Variants in NPAS4 observed in about 807,000 individuals in gnomAD.
NPAS4 encodes the protein neuronal PAS domain-containing protein 4.
In NPAS4, 10 loss-of-function variants were observed where a neutral mutation model predicts 64.0. The observed-to-expected ratio is 0.16, with a 90% CI of 0.10 to 0.26. NPAS4 has a LOEUF of 0.26. Among genes scored for constraint, NPAS4 ranks in the 10% least tolerant of loss-of-function variants. The probability of loss-of-function intolerance (pLI) is 1.00; values close to 1 mark genes in which losing one functional copy is unlikely to be tolerated. For synonymous variants in NPAS4, 441 were observed against 411.7 expected, an observed-to-expected ratio of 1.07 and a Z score of -0.86; for missense variants, 886 against 992.6, an observed-to-expected ratio of 0.89 and a Z score of 1.44.
chr11:66,423,728 AG>A lies in NPAS4; in HGVS notation c.944+19del. On this transcript the variant is annotated intron_variant, in intron 6 of 7. Transcript: ENST00000311034. ...TACCCAATCAGGTAAGCCACAAGCC[AG>A]GGGACTAGGGGGCAGCTGAGGTCGT... is the stretch of plus-strand genomic sequence containing the variant. 1.2e-6 allele frequency: 2 copies of A among 1,613,986 alleles called. No homozygotes were observed. The highest frequency in any genetic ancestry group is 1.7e-6 in the Non-Finnish European group (2 of 1,179,898).
rs753870076 is a variant in NPAS4 at position 66,425,175 on chromosome 11, C to T, written c.2285C>T (p.Thr762Ile). The change falls in exon 7 of 8, where the codon ACC (threonine) becomes ATC (isoleucine). Residue 762 changes from threonine (T) to isoleucine (I), a missense_variant. Around this residue, in one of 3 missense-constraint regions of NPAS4, gnomAD observed 28 missense variants for 57.0 expected, o/e 0.49. Transcript: ENST00000311034. ...SFLEDLATYETAFETGVSAFP... is the reference protein window; with the variant it reads ...SFLEDLATYEIAFETGVSAFP... ...CTGGAGGACCTGGCCACATATGAAACCGCCTTTGAGACAGGTGTCTCAGCA... is the reference window on the plus strand; with the variant it reads ...CTGGAGGACCTGGCCACATATGAAATCGCCTTTGAGACAGGTGTCTCAGCA... The T allele has an allele frequency of 6.9e-6, 11 of 1,592,802 alleles. No homozygotes were observed. The highest frequency in any genetic ancestry group is 1.7e-6 in the Non-Finnish European group (2 of 1,172,984).
upstream of NPAS4, among the ~76,000 whole-genome samples, chr11:66,418,153 G>T (rs1182384480): frequency 3.9e-5 from 6 of 152,114 alleles, no homozygotes. Flanking sequence ...TCACCCCAAA[G>T]CCCCTCTCCC....
chr11:66,422,105 C>G lies in NPAS4; in HGVS notation c.176-15C>G. 1 of 1,612,464 alleles carries G rather than the reference C, an allele frequency of 6.2e-7. No homozygotes were observed. The highest frequency in any genetic ancestry group is 8.5e-7 in the Non-Finnish European group (1 of 1,179,364). On this transcript the variant is annotated splice_polypyrimidine_tract_variant and intron_variant, in intron 1 of 7. Coordinates refer to ENST00000311034, the MANE Select transcript of NPAS4 (RefSeq NM_178864.4). Reference sequence around the variant, plus strand: ...CAGTCTTACTCCTGACGCACTACGTCTTCTCGCCCTACAGGCACTCCTCTG... The same window carrying G: ...CAGTCTTACTCCTGACGCACTACGTGTTCTCGCCCTACAGGCACTCCTCTG...
chr11:66,425,821 T>C, intron 7 of NPAS4, 140 bp from the exon 8 acceptor site: 1 of 664,298 alleles, frequency 1.5e-6, no homozygotes, highest in South Asian at 1.8e-5. Context: ...TGCCCCCTAA[T>C]CTACTGAGCC....
At chr11:66,425,445 G>A (rs1856825485) in intron 7 of NPAS4, among the ~76,000 whole-genome samples, 175 bp downstream of exon 7, 1 of 152,072 alleles carries the variant, frequency 6.6e-6, no homozygotes, top group African/African-American at 2.4e-5. Flanking sequence ...TAATATGAAA[G>A]TTTGAACAAG....
rs1856817473 is a variant in NPAS4, at chr11:66,425,002, C to G, written c.2112C>G (p.Phe704Leu). 3.1e-6 allele frequency: 5 copies of G among 1,614,002 alleles called. No individual in the cohort carries two copies. The highest frequency in any genetic ancestry group is 2.7e-5 in the African/African-American group (2 of 74,932). The change falls in exon 7 of 8, where the codon TTC (phenylalanine) becomes TTG (leucine). Residue 704 changes from phenylalanine to leucine, a missense_variant. This residue lies in a region of NPAS4 where 820 missense variants were observed against 855.5 expected (regional missense o/e 0.96). Transcript: ENST00000311034. ...TCCTGGCTGACCCTGATAACATGTT[C>G]CTGGAAGAGACGCCCGTGGAAGACA... ...LDFLADPDNM[F>L]LEETPVEDIF...
upstream of NPAS4, among the ~76,000 whole-genome samples, chr11:66,418,275 T>C (rs1338743220): frequency 1.3e-5 from 2 of 151,824 alleles, no homozygotes; most frequent in African/African-American, 4.8e-5. Flanking sequence ...GGGGAGAGAG[T>C]GGGGTGACTC....
chr11:66,420,664 C>T (rs1229760945), upstream of NPAS4, among the ~76,000 whole-genome samples: 1 of 152,270 alleles, frequency 6.6e-6, no homozygotes, highest in African/African-American at 2.4e-5. Flanking sequence ...CCTCTGCGGA[C>T]TCCTGCCGCG....
chr11:66,421,972 G>A (rs58444565), intron 1 of NPAS4, 148 bp from the exon 2 acceptor site: 6 of 683,616 alleles, frequency 8.8e-6, no homozygotes, highest in Non-Finnish European at 1.5e-5. Flanking sequence ...CCCTGGCCAA[G>A]AGCTGCGGGC....
rs753289238 is a variant in NPAS4 at position 66,423,752 on chromosome 11, C to T, written c.944+39C>T. The T allele has an allele frequency of 3.1e-6, 5 of 1,612,496 alleles. No homozygotes were observed. The African/African-American group carries it at 6.7e-5, about 22-fold the overall frequency. ...CAGGGGACTAGGGGGCAGCTGAGGT[C>T]GTCATGGAGGAGACACAAATCAGGG... On this transcript the variant is annotated intron_variant, in intron 6 of 7. Coordinates refer to ENST00000311034, the MANE Select transcript of NPAS4 (RefSeq NM_178864.4).
chr11:66,424,170 C>T lies in NPAS4; in HGVS notation c.1280C>T (p.Thr427Met), dbSNP rs1168283983. Residue 427 changes from threonine to methionine, a missense_variant, in exon 7 of 8, where the codon ACG (threonine) becomes ATG (methionine). Around this residue, in one of 3 missense-constraint regions of NPAS4, gnomAD observed 820 missense variants for 855.5 expected, o/e 0.96. Transcript: ENST00000311034. ...GATCTTGTGTGCACTCCACCTTACA[C>T]GCCCCATCAGCCAGGAGGCTGTGCC... is the stretch of plus-strand genomic sequence containing the variant. ...SKDLVCTPPY[T>M]PHQPGGCAFL... The T allele has an allele frequency of 2.5e-6, 4 of 1,614,060 alleles. No individual in the cohort carries two copies. The highest frequency in any genetic ancestry group is 2.5e-6 in the Non-Finnish European group (3 of 1,179,978).
chr11:66,418,169 A>C (rs1329663619), upstream of NPAS4, among the ~76,000 whole-genome samples: 1 of 150,896 alleles, frequency 6.6e-6, no homozygotes, highest in Non-Finnish European at 1.5e-5. Context: ...CTCCCAATTC[A>C]CTCCCTTGCC....
upstream of NPAS4, among the ~76,000 whole-genome samples, chr11:66,419,871 G>A (rs1030783447): frequency 1.3e-5 from 2 of 152,222 alleles, no homozygotes; most frequent in African/African-American, 4.8e-5. Context: ...CAAAAATACA[G>A]GGTCCCTGGT....
upstream of NPAS4, among the ~76,000 whole-genome samples, chr11:66,418,901 C>T (rs1190873900): frequency 6.6e-6 from 1 of 152,162 alleles, no homozygotes; most frequent in Non-Finnish European, 1.5e-5. Flanking sequence ...GCGCAGTATT[C>T]CTTCACTGCA....
Position 66,424,181 on chromosome 11 carries a change from C to T in NPAS4, c.1291C>T (p.Pro431Ser). 1 of 1,613,958 alleles carries T rather than the reference C, an allele frequency of 6.2e-7. No homozygotes were observed. The highest frequency in any genetic ancestry group is 8.5e-7 in the Non-Finnish European group (1 of 1,179,910). Residue 431 changes from proline to serine, a missense_variant, in exon 7 of 8, where the codon CCA becomes TCA. Physicochemically the swap from Pro to Ser is moderately conservative, Grantham distance 74. Coordinates refer to ENST00000311034, the MANE Select transcript of NPAS4 (RefSeq NM_178864.4). ...CACTCCACCTTACACGCCCCATCAG[C>T]CAGGAGGCTGTGCCTTCCTCTTCAG... ...VCTPPYTPHQ[P>S]GGCAFLFSLH...
chr11:66,409,328 C>T, the NPAS4 span: 3 of 149,946 alleles, frequency 2.0e-5, no homozygotes, highest in Admixed American at 1.3e-4. Context: ...AAGGGAAGTC[C>T]TGCCCTTGCC....
rs1387531177 is a variant in NPAS4, at chr11:66,424,018, C to A, written c.1128C>A (p.Pro376=). 3 of 1,614,020 alleles carry A rather than the reference C, an allele frequency of 1.9e-6. No homozygotes were observed. The Admixed American group carries it at 5.0e-5, about 27-fold the overall frequency. Residue 376 remains proline, a synonymous_variant, in exon 7 of 8, where the codon CCC becomes CCA. Transcript: ENST00000311034. ...GGGCTCCCAGAAGCACCAGCTTCCCCAGTGCTCCTGAACTGAGTGTTGTCT... is the reference window on the plus strand; with the variant it reads ...GGGCTCCCAGAAGCACCAGCTTCCCAAGTGCTCCTGAACTGAGTGTTGTCT... ...ALGAPRSTSF[P]SAPELSVVSA... is the part of the protein sequence containing the mutation.
the NPAS4 span, among the ~76,000 whole-genome samples, chr11:66,411,243 A>G: frequency 6.6e-6 from 1 of 152,186 alleles, no homozygotes; most frequent in Non-Finnish European, 1.5e-5. Context: ...CCCAAGAGGC[A>G]CTGGGACAGG....
chr11:66,422,500 C>T lies in NPAS4; in HGVS notation c.377C>T (p.Ala126Val). Residue 126 changes from alanine to valine, a missense_variant, in exon 3 of 8, where the codon GCT becomes GTT. By Grantham distance (64) the Ala-to-Val change is moderately conservative (BLOSUM62 0). Coordinates refer to ENST00000311034, the MANE Select transcript of NPAS4 (RefSeq NM_178864.4). ...AGCATCTACGACATCATTGACCCAG[C>T]TGACCACCTCACTGTGCGCCAGCAA... The part of the protein sequence containing the change: ...GDSIYDIIDP[A>V]DHLTVRQQLT... 2 of 1,614,126 alleles carry T rather than the reference C, an allele frequency of 1.2e-6. No individual in the cohort carries two copies. Among genetic ancestry groups the T allele is most frequent in the South Asian group, 1.1e-5 (1 of 91,090 alleles).
Sources: allele counts gnomAD v4.1 joint callset (sites outside exome capture counted in the v4.1 genomes callset), GRCh38; gene constraint gnomAD v4.1.1; regional missense constraint gnomAD v4.1.1; transcripts MANE v1.5; gene names NCBI Gene and HGNC (gene_info 2026-07-23, HGNC 2026-07-21).